The following ZNF277 variants were observed in gnomAD, a reference collection of about 807,000 sequenced individuals.
ZNF277 encodes zinc finger protein 277, also known as nuclear receptor-interacting factor 4.
Under a neutral mutation model 60.7 loss-of-function variants are expected in ZNF277, and 55 were observed. That is an observed-to-expected ratio of 0.91 (90% CI 0.73 to 1.13). The LOEUF is 1.13. Among genes scored for constraint, ZNF277 ranks in the 50% most tolerant of loss-of-function variants. The pLI, the probability that ZNF277 is intolerant of heterozygous loss-of-function variation, is 0.00. For missense variants in ZNF277, 510 were observed against 523.0 expected (o/e 0.98, Z 0.24); for synonymous variants, 178 against 179.3 (o/e 0.99, Z 0.06).
intron 5 of ZNF277, among the ~76,000 whole-genome samples, chr7:112,323,782 T>C (rs1363246318): frequency 1.3e-5 from 2 of 152,210 alleles, no homozygotes; most frequent in African/African-American, 4.8e-5. Context: ...CAGAGGTCCA[T>C]GCCCCACTGT....
intron 4 of ZNF277, among the ~76,000 whole-genome samples, chr7:112,312,806 A>G (rs1363519764): frequency 6.6e-6 from 1 of 152,140 alleles, no homozygotes; most frequent in Admixed American, 6.5e-5. Flanking sequence ...TTACCAATTC[A>G]TTTAGAATGT....
chr7:112,277,534 A>G (rs563527831), intron 1 of ZNF277, among the ~76,000 whole-genome samples: 27 of 152,336 alleles, frequency 1.8e-4, no homozygotes, highest in Non-Finnish European at 2.5e-4. Context: ...CATAAATTCG[A>G]TCTGTCTTGT....
At chr7:112,294,611 T>A (rs1399856568) in intron 2 of ZNF277, among the ~76,000 whole-genome samples, 1 of 152,210 alleles carries the variant, frequency 6.6e-6, no homozygotes, top group East Asian at 1.9e-4. Context: ...GATTCTATTT[T>A]TATACACTAT....
chr7:112,282,314 A>T (rs1292538896), intron 1 of ZNF277, among the ~76,000 whole-genome samples: 1 of 152,280 alleles, frequency 6.6e-6, no homozygotes, highest in Non-Finnish European at 1.5e-5. Context: ...AATAGTACAA[A>T]TGCATCACAT....
chr7:112,272,170 G>A (rs1791684056), intron 1 of ZNF277, among the ~76,000 whole-genome samples: 1 of 151,994 alleles, frequency 6.6e-6, no homozygotes, highest in Admixed American at 6.6e-5. Flanking sequence ...CACAAATAAG[G>A]GAGAACATGC....
rs138041974 is a variant in ZNF277, at chr7:112,210,065, G to A, written c.91+3258G>A. Among the ~76,000 whole-genome samples, 1,378 of 152,222 alleles carry A rather than the reference G, an allele frequency of 9.1e-3. 17 individuals are homozygous for A. The highest frequency in any genetic ancestry group is 0.031 in the African/African-American group (1,294 of 41,530). ...TAATGTAAATGACGAGTTAATGGGT[G>A]CAGCAAACCAATATGGCACATGTAT... On this transcript the variant is annotated intron_variant, in intron 1 of 11. Coordinates refer to ENST00000361822, the MANE Select transcript of ZNF277 (RefSeq NM_021994.3).
intron 1 of ZNF277, among the ~76,000 whole-genome samples, chr7:112,229,234 G>A (rs2116974619): frequency 6.6e-6 from 1 of 152,318 alleles, no homozygotes; most frequent in Admixed American, 6.5e-5. Flanking sequence ...TTTGAAAGAA[G>A]TAATTATGGT....
chr7:112,296,908 ATTTATTTTTTTTTTTTTTT>A (rs1792357510), intron 4 of ZNF277, among the ~76,000 whole-genome samples: 3 of 37,178 alleles, frequency 8.1e-5, no homozygotes, highest in East Asian at 8.8e-4. Context: ...TTATTTATTT[ATTTATTTTTTTTTTTTTTT>A]TTTTTTTTTT....
intron 1 of ZNF277, among the ~76,000 whole-genome samples, chr7:112,284,628 G>T (rs1381009563): frequency 6.6e-6 from 1 of 152,086 alleles, no homozygotes; most frequent in Non-Finnish European, 1.5e-5. Context: ...TGTTAATAGT[G>T]CTTCTAAAGG....
intron 1 of ZNF277, among the ~76,000 whole-genome samples, chr7:112,272,898 C>A (rs1791706386): frequency 6.6e-6 from 1 of 152,192 alleles, no homozygotes; most frequent in African/African-American, 2.4e-5. Flanking sequence ...TACACATTTT[C>A]ACCAGGATTT....
At chr7:112,254,899 G>C (rs1233829153) in intron 1 of ZNF277, among the ~76,000 whole-genome samples, 1 of 152,058 alleles carries the variant, frequency 6.6e-6, no homozygotes, top group African/African-American at 2.4e-5. Context: ...TGAGCCCAGG[G>C]GAGTTCAAGG....
At chr7:112,271,242 T>C (rs542707966) in intron 1 of ZNF277, among the ~76,000 whole-genome samples, 23 of 152,186 alleles carry the variant, frequency 1.5e-4, no homozygotes, top group Non-Finnish European at 2.9e-4. Context: ...TTGGATTTAT[T>C]TTTGTTATGT....
At chr7:112,226,011 T>C (rs1822165377) in intron 1 of ZNF277, among the ~76,000 whole-genome samples, 1 of 152,204 alleles carries the variant, frequency 6.6e-6, no homozygotes, top group Non-Finnish European at 1.5e-5. Context: ...TATATCCTGT[T>C]TCCCAAATAG....
Position 112,337,769 on chromosome 7 carries a change from C to A in ZNF277, c.909C>A (p.Val303=). 1 of 1,612,694 alleles carries A rather than the reference C, an allele frequency of 6.2e-7. No individual in the cohort carries two copies. The highest frequency in any genetic ancestry group is 8.5e-7 in the Non-Finnish European group (1 of 1,179,588). Residue 303 remains valine, a synonymous_variant, in exon 9 of 12, where the codon GTC becomes GTA. Transcript: ENST00000361822. The stretch of plus-strand genomic sequence containing the variant: ...GGGAAGAACACCCTGCCTCTGCAGT[C>A]TGCTTATTTTGTGAAAAGCAAGCAG... ...SDWEEHPASA[V]CLFCEKQAET... is the part of the protein sequence containing the mutation.
rs921693689 is a variant in ZNF277 at position 112,256,059 on chromosome 7, C to T, written c.92-30814C>T. 4.6e-5 allele frequency among the ~76,000 whole-genome samples: 7 copies of T among 152,160 alleles called. 1 individual carries two copies. In the South Asian group the frequency reaches 1.4e-3, roughly 31 times the overall value. On this transcript the variant is annotated intron_variant, in intron 1 of 11. Transcript: ENST00000361822. The stretch of plus-strand genomic sequence containing the variant: ...TTGAGACTAGAATCTATGTCTTCAT[C>T]TCTCTAGTCCTCTCTCCTAGCTTGG...
chr7:112,210,724 G>C (rs966120982), intron 1 of ZNF277, among the ~76,000 whole-genome samples: 3 of 151,768 alleles, frequency 2.0e-5, no homozygotes, highest in Non-Finnish European at 4.4e-5. Flanking sequence ...CACCCTCCTC[G>C]GCCTCCCAAA....
intron 5 of ZNF277, among the ~76,000 whole-genome samples, chr7:112,319,758 G>A (rs1331343250): frequency 6.6e-6 from 1 of 150,618 alleles, no homozygotes; most frequent in Non-Finnish European, 1.5e-5. Flanking sequence ...AAACACCAGT[G>A]GTAAAGGTTT....
At chr7:112,246,975 C>T (rs1430533143) in intron 1 of ZNF277, among the ~76,000 whole-genome samples, 1 of 152,080 alleles carries the variant, frequency 6.6e-6, no homozygotes, top group Non-Finnish European at 1.5e-5. Context: ...GTTATGTATT[C>T]ATCTCTTGAA....
rs554809774 is a variant in ZNF277 at position 112,271,293 on chromosome 7, A to G, written c.92-15580A>G. 3.9e-5 allele frequency among the ~76,000 whole-genome samples: 6 copies of G among 152,294 alleles called. No homozygotes were observed. The South Asian group carries it at 8.3e-4, about 21-fold the overall frequency. ...ATACCGTATCCAAAATGCTAGGAAT[A>G]AAATCTGTTGTGTCTTGTTTTATTG... On this transcript the variant is annotated intron_variant, in intron 1 of 11. Transcript: ENST00000361822.
Sources: gnomAD v4.1 joint callset for allele counts (sites outside exome capture counted in the v4.1 genomes callset) on GRCh38, gnomAD v4.1.1 for gene constraint, MANE v1.5 for transcripts, NCBI Gene and HGNC (gene_info 2026-07-23, HGNC 2026-07-21) for gene names.